The following ABHD18 variants were observed in gnomAD, a reference collection of about 807,000 sequenced individuals.
ABHD18 encodes abhydrolase domain containing 18, also known as cardiolipin-specific deacylase, mitochondrial.
In ABHD18, 55 loss-of-function variants were observed where a neutral mutation model predicts 65.9. The observed-to-expected ratio is 0.84, with a 90% CI of 0.67 to 1.05. ABHD18 has a LOEUF of 1.05. Ranked by LOEUF, ABHD18 falls within the 50% of genes least tolerant of loss-of-function variation. The pLI is 0.00. For missense variants in ABHD18, 533 were observed against 558.5 expected (o/e 0.95, Z 0.46); for synonymous variants, 181 against 180.2 (o/e 1.00, Z -0.04).
intron 4 of ABHD18, among the ~76,000 whole-genome samples, chr4:128,000,116 A>C (rs1752420272): frequency 6.6e-6 from 1 of 152,210 alleles, no homozygotes; most frequent in Non-Finnish European, 1.5e-5. Flanking sequence ...TGCCCCCATG[A>C]TTCAACTACC....
chr4:128,008,912 A>T lies in ABHD18; in HGVS notation c.279-8A>T, dbSNP rs1419039112. The T allele has an allele frequency of 1.3e-6, 2 of 1,593,008 alleles. No individual in the cohort carries two copies. Among genetic ancestry groups the T allele is most frequent in the Non-Finnish European group, 8.5e-7 (1 of 1,170,364 alleles). Reference sequence around the variant, plus strand: ...ATTTTATTGATAAGTCTATGCTTTTAAAAATAGGTTCCAATTTATTGTGCC... The same window carrying T: ...ATTTTATTGATAAGTCTATGCTTTTTAAAATAGGTTCCAATTTATTGTGCC... On this transcript the variant is annotated splice_region_variant and splice_polypyrimidine_tract_variant and intron_variant, in intron 4 of 12. Transcript: ENST00000645843.
chr4:128,011,831 T>A, intron 7 of ABHD18, 131 bp downstream of exon 7: 2 of 527,906 alleles, frequency 3.8e-6, no homozygotes, highest in Non-Finnish European at 3.2e-6. Context: ...AGTTCTGTTA[T>A]GAAACTGTAG....
chr4:128,033,120 G>A (rs192820135), intron 12 of ABHD18, among the ~76,000 whole-genome samples: 1 of 152,246 alleles, frequency 6.6e-6, no homozygotes, highest in African/African-American at 2.4e-5. Flanking sequence ...TGGGCGTGGT[G>A]GCGGGTGCCT....
At chr4:127,982,261 C>T (rs745594676) in intron 1 of ABHD18, among the ~76,000 whole-genome samples, 10 of 152,020 alleles carry the variant, frequency 6.6e-5, no homozygotes, top group South Asian at 2.1e-4. Flanking sequence ...AGGTTTCACC[C>T]GCAAATCAAA....
At chr4:127,997,932 C>T (rs776239461) in intron 4 of ABHD18, among the ~76,000 whole-genome samples, 5 of 151,466 alleles carry the variant, frequency 3.3e-5, no homozygotes, top group Non-Finnish European at 7.4e-5. Context: ...CTCTATTGCT[C>T]AGGCTGGAGT....
intron 1 of ABHD18, among the ~76,000 whole-genome samples, chr4:127,981,286 G>T (rs759327150): frequency 2.0e-5 from 3 of 152,118 alleles, no homozygotes; most frequent in Non-Finnish European, 4.4e-5. Context: ...AGGTCGAGGA[G>T]CATCTGTATT....
intron 10 of ABHD18, among the ~76,000 whole-genome samples, chr4:128,023,405 A>G (rs999088737): frequency 0.011 from 128 of 11,716 alleles, no homozygotes; most frequent in African/African-American, 0.034. Flanking sequence ...TGTCTCTACA[A>G]AAAAAAAAAA....
intron 1 of ABHD18, among the ~76,000 whole-genome samples, chr4:127,981,671 A>G (rs1749076643): frequency 6.6e-6 from 1 of 152,214 alleles, no homozygotes; most frequent in Non-Finnish European, 1.5e-5. Context: ...GAATCTAGTA[A>G]TTAATACCAG....
chr4:127,987,008 T>C (rs1399466224), intron 3 of ABHD18, among the ~76,000 whole-genome samples: 1 of 152,242 alleles, frequency 6.6e-6, no homozygotes, highest in East Asian at 1.9e-4. Context: ...AACACTAATT[T>C]GTTGCATTAT....
rs537765381 is a variant in ABHD18, at chr4:127,965,801, T to C, written c.-18+195T>C. The C allele has an allele frequency of 8.4e-5, 13 of 154,870 alleles. No homozygotes were observed. The East Asian group carries it at 1.7e-3, about 21-fold the overall frequency. The allele number at this position is 154,870 out of a possible 1,614,324, so 9.6% of individuals were successfully genotyped here. On this transcript the variant is annotated intron_variant, in intron 1 of 12. Transcript: ENST00000645843. ...GGCGCGCTTCGGAGGGCTGAGATAATGGGGGCGAGCGCGCGGGCAGTCCCT... is the reference window on the plus strand; with the variant it reads ...GGCGCGCTTCGGAGGGCTGAGATAACGGGGGCGAGCGCGCGGGCAGTCCCT...
chr4:128,032,822 G>A (rs1164600268), intron 12 of ABHD18, among the ~76,000 whole-genome samples: 3 of 152,140 alleles, frequency 2.0e-5, no homozygotes, highest in African/African-American at 7.2e-5. Context: ...GTGAATAAGA[G>A]ACTATTCACA....
chr4:128,005,782 G>A (rs905380624), intron 4 of ABHD18, among the ~76,000 whole-genome samples: 1 of 152,148 alleles, frequency 6.6e-6, no homozygotes, highest in African/African-American at 2.4e-5. Flanking sequence ...GATTTTAGAA[G>A]CGGGAAATGG....
intron 4 of ABHD18, chr4:128,001,897 GA>G: frequency 2.9e-6 from 3 of 1,017,598 alleles, no homozygotes; most frequent in Non-Finnish European, 4.0e-6. Context: ...CTTTCAGTTT[GA>G]AAAAAACAGA....
intron 4 of ABHD18, among the ~76,000 whole-genome samples, chr4:127,998,878 G>C (rs929379362): frequency 1.2e-4 from 18 of 151,968 alleles, no homozygotes; most frequent in Admixed American, 1.2e-3. Context: ...GGTACTTTAC[G>C]TACTTAGGAA....
chr4:127,990,941 G>A (rs1432821975), intron 4 of ABHD18, among the ~76,000 whole-genome samples: 1 of 152,102 alleles, frequency 6.6e-6, no homozygotes, highest in Non-Finnish European at 1.5e-5. Flanking sequence ...GGTGCTCACT[G>A]TATGCTGTGC....
At chr4:127,998,873 T>G (rs1276795756) in intron 4 of ABHD18, among the ~76,000 whole-genome samples, 1 of 152,174 alleles carries the variant, frequency 6.6e-6, no homozygotes, top group Middle Eastern at 3.2e-3. Context: ...ACTATGGTAC[T>G]TTACGTACTT....
intron 1 of ABHD18, among the ~76,000 whole-genome samples, chr4:127,968,847 A>G (rs1214343472): frequency 6.6e-6 from 1 of 152,146 alleles, no homozygotes; most frequent in Admixed American, 6.5e-5. Flanking sequence ...ATTTGGAGTT[A>G]CGTTCACCCT....
At chr4:128,008,565 G>A (rs1476311193) in intron 4 of ABHD18, among the ~76,000 whole-genome samples, 5 of 151,956 alleles carry the variant, frequency 3.3e-5, no homozygotes, top group East Asian at 3.9e-4. Context: ...GTGAGCCACC[G>A]CGCCTGGCCA....
chr4:128,002,344 A>G (rs920217171), intron 4 of ABHD18, among the ~76,000 whole-genome samples: 3 of 150,680 alleles, frequency 2.0e-5, no homozygotes, highest in African/African-American at 7.3e-5. Flanking sequence ...TGTCCCTGCA[A>G]TCTCAGCTGA....
Sources: allele counts gnomAD v4.1 joint callset (sites outside exome capture counted in the v4.1 genomes callset), GRCh38; gene constraint gnomAD v4.1.1; transcripts MANE v1.5; gene names NCBI Gene and HGNC (gene_info 2026-07-23, HGNC 2026-07-21).